Variants in NFATC1 observed in about 807,000 individuals in gnomAD.
NFATC1 encodes the protein nuclear factor of activated T-cells, cytoplasmic 1.
A neutral mutation model predicts 76.0 loss-of-function variants in NFATC1; 22 were observed. The observed-to-expected ratio is 0.29, with a 90% confidence interval of 0.21 to 0.41. The LOEUF is 0.41. NFATC1 is among the 10% of genes least tolerant of loss of function. The probability of loss-of-function intolerance (pLI) is 1.00; values close to 1 mark genes in which losing one functional copy is unlikely to be tolerated. For synonymous variants in NFATC1, 704 were observed against 613.1 expected, an observed-to-expected ratio of 1.15 and a Z score of -2.19; for missense variants, 1,357 against 1,337.7, an observed-to-expected ratio of 1.01 and a Z score of -0.23.
chr18:79,407,697 G>A (rs907076949), intron 1 of NFATC1, among the ~76,000 whole-genome samples: 13 of 152,154 alleles, frequency 8.5e-5, no homozygotes, highest in Admixed American at 5.2e-4. Flanking sequence ...CGCCCACCTC[G>A]GCCTCCCAAA....
intron 9 of NFATC1, among the ~76,000 whole-genome samples, chr18:79,525,091 C>G (rs1411281071): frequency 1.5e-5 from 1 of 66,266 alleles, no homozygotes; most frequent in African/African-American, 7.1e-5. Context: ...CGTTACCCCT[C>G]AGGCCTCCCC....
chr18:79,451,883 G>T (rs544335329), intron 6 of NFATC1, 67 bp downstream of exon 6: 3 of 1,548,328 alleles, frequency 1.9e-6, no homozygotes, highest in Non-Finnish European at 2.6e-6. Context: ...GTTCCCAGTC[G>T]GTGGAGCAGG....
intron 9 of NFATC1, among the ~76,000 whole-genome samples, chr18:79,498,793 G>A (rs11660317): frequency 0.06 from 9,103 of 152,290 alleles, 396 homozygotes; most frequent in Admixed American, 0.096. Flanking sequence ...TTCTCAGTAC[G>A]TGGGATGCTC....
chr18:79,488,411 A>G (rs2089583599), intron 9 of NFATC1, among the ~76,000 whole-genome samples: 1 of 151,892 alleles, frequency 6.6e-6, no homozygotes, highest in South Asian at 2.1e-4. Context: ...CCGTCAGCCC[A>G]GGAGGCTGCT....
intron 2 of NFATC1, among the ~76,000 whole-genome samples, chr18:79,411,753 A>G (rs116523740): frequency 0.024 from 3,701 of 152,204 alleles, 139 homozygotes; most frequent in African/African-American, 0.083. Context: ...AAGTCTCCAG[A>G]TCCTCTCGGG....
chr18:79,489,741 C>T (rs2089622059), intron 9 of NFATC1, among the ~76,000 whole-genome samples: 1 of 152,198 alleles, frequency 6.6e-6, no homozygotes, highest in Non-Finnish European at 1.5e-5. Flanking sequence ...CTTCGTCAGG[C>T]CCAGGGCCGG....
At chr18:79,464,420 A>G (rs1379239693) in intron 7 of NFATC1, among the ~76,000 whole-genome samples, 1 of 152,014 alleles carries the variant, frequency 6.6e-6, no homozygotes, top group Non-Finnish European at 1.5e-5. Context: ...AATCTCTTAA[A>G]TGGAGTTTGC....
chr18:79,426,902 G>C (rs1379120170), intron 2 of NFATC1, among the ~76,000 whole-genome samples: 2 of 152,242 alleles, frequency 1.3e-5, no homozygotes, highest in South Asian at 2.1e-4. Context: ...TTTTGCCTAG[G>C]ACCTTCTTAA....
chr18:79,502,697 GA>G (rs1433230921), intron 9 of NFATC1, among the ~76,000 whole-genome samples: 1 of 152,112 alleles, frequency 6.6e-6, no homozygotes, highest in Non-Finnish European at 1.5e-5. Flanking sequence ...CAAGACATAG[GA>G]ATGGATAATA....
At chr18:79,432,659 G>A (rs764122357) in intron 2 of NFATC1, among the ~76,000 whole-genome samples, 1 of 152,222 alleles carries the variant, frequency 6.6e-6, no homozygotes, top group Non-Finnish European at 1.5e-5. Context: ...TCTTGCACAG[G>A]GTGGAAGGTG....
chr18:79,483,317 GT>G (rs528577170), intron 8 of NFATC1, among the ~76,000 whole-genome samples: 95 of 128,074 alleles, frequency 7.4e-4, no homozygotes, highest in African/African-American at 2.3e-3. Context: ...GCGTGACCTG[GT>G]TCCTGGGGTG....
At chr18:79,399,583 G>C (rs2085114384) in intron 1 of NFATC1, among the ~76,000 whole-genome samples, 1 of 152,258 alleles carries the variant, frequency 6.6e-6, no homozygotes, top group East Asian at 1.9e-4. Flanking sequence ...TCCCCGCCGC[G>C]CACAGGCTCG....
intron 7 of NFATC1, among the ~76,000 whole-genome samples, chr18:79,464,481 C>T (rs1380386502): frequency 1.3e-5 from 2 of 150,024 alleles, no homozygotes; most frequent in African/African-American, 4.9e-5. Flanking sequence ...TCATCGTGGA[C>T]ATTTGGACAA....
intron 9 of NFATC1, among the ~76,000 whole-genome samples, chr18:79,510,296 A>G (rs1474892982): frequency 6.6e-6 from 1 of 152,154 alleles, no homozygotes; most frequent in Non-Finnish European, 1.5e-5. Context: ...ACATAGAATG[A>G]GTGAGTATTT....
At chr18:79,412,043 G>A (rs538095149) in intron 2 of NFATC1, among the ~76,000 whole-genome samples, 2 of 152,230 alleles carry the variant, frequency 1.3e-5, no homozygotes, top group Non-Finnish European at 2.9e-5. Context: ...CACCCAGTCC[G>A]CCACGCTTTG....
intron 9 of NFATC1, 69 bp downstream of exon 9, chr18:79,487,006 T>A: frequency 5.4e-6 from 8 of 1,485,162 alleles, no homozygotes; most frequent in African/African-American, 1.4e-5. Context: ...GGAGGGGCCG[T>A]GTGCGTGCTG....
At chr18:79,520,431 TC>T (rs2090490790) in intron 9 of NFATC1, among the ~76,000 whole-genome samples, 1 of 150,078 alleles carries the variant, frequency 6.7e-6, no homozygotes, top group African/African-American at 2.5e-5. Flanking sequence ...GCCACCTGCC[TC>T]CCCCACCCCC....
At chr18:79,407,667 A>G (rs2085488883) in intron 1 of NFATC1, among the ~76,000 whole-genome samples, 2 of 152,052 alleles carry the variant, frequency 1.3e-5, no homozygotes, top group South Asian at 4.2e-4. Context: ...TTGGTCTTGA[A>G]CTTCTGACCT....
intron 6 of NFATC1, among the ~76,000 whole-genome samples, chr18:79,454,121 G>T (rs1238302852): frequency 6.6e-6 from 1 of 152,130 alleles, no homozygotes; most frequent in Non-Finnish European, 1.5e-5. Flanking sequence ...GCTCAGGAGG[G>T]GAGGTTCCTG....
Sources: allele counts gnomAD v4.1 joint callset (sites outside exome capture counted in the v4.1 genomes callset), GRCh38; gene constraint gnomAD v4.1.1; transcripts MANE v1.5; gene names NCBI Gene and HGNC (gene_info 2026-07-23, HGNC 2026-07-21).